The following CREB1 variants were observed in gnomAD, a reference collection of about 807,000 sequenced individuals.
CREB1 encodes cyclic AMP-responsive element-binding protein 1.
Under a neutral mutation model 42.0 loss-of-function variants are expected in CREB1, and 2 were observed. That is an observed-to-expected ratio of 0.05 (90% CI 0.02 to 0.15). CREB1 has a LOEUF of 0.15. CREB1 is among the 10% of genes least tolerant of loss of function. The probability of loss-of-function intolerance (pLI) is 1.00; values close to 1 mark genes in which losing one functional copy is unlikely to be tolerated. For synonymous variants in CREB1, 123 were observed against 139.9 expected (o/e 0.88, Z 0.85); for missense variants, 199 against 388.9 (o/e 0.51, Z 4.11).
chr2:207,592,793 C>T (rs1050183550), intron 7 of CREB1, among the ~76,000 whole-genome samples: 3 of 151,982 alleles, frequency 2.0e-5, no homozygotes, highest in African/African-American at 7.2e-5. Context: ...GTGGCGCATG[C>T]CTGTAGTCCC....
chr2:207,577,893 A>C (rs1574884101), intron 7 of CREB1: 1 of 477,980 alleles, frequency 2.1e-6, no homozygotes, highest in East Asian at 4.0e-5. Context: ...GTTTCCCCAC[A>C]GGAGATTTAA....
chr2:207,585,813 G>T (rs950099999), intron 7 of CREB1, among the ~76,000 whole-genome samples: 8 of 152,062 alleles, frequency 5.3e-5, no homozygotes, highest in Non-Finnish European at 7.4e-5. Flanking sequence ...TAAGAGAGAG[G>T]TCTTTTAAAA....
chr2:207,536,018 G>T (rs1412532733), intron 1 of CREB1, among the ~76,000 whole-genome samples: 1 of 151,818 alleles, frequency 6.6e-6, no homozygotes, highest in African/African-American at 2.4e-5. Flanking sequence ...TCGCCATGTT[G>T]CCCAGGCTGG....
intron 2 of CREB1, 110 bp from the exon 3 acceptor site, chr2:207,560,116 A>G (rs775065866): frequency 2.9e-5 from 27 of 919,352 alleles, no homozygotes; most frequent in Non-Finnish European, 3.6e-5. Context: ...TGAAATACAT[A>G]TCTAGCAAAA....
intron 6 of CREB1, chr2:207,577,087 G>T: frequency 1.0e-6 from 1 of 965,698 alleles, no homozygotes; most frequent in Non-Finnish European, 1.2e-6. Context: ...GAAAAATCAT[G>T]GTCGTTTTTA....
In CREB1 at chr2:207,604,127, C is replaced by T. The variant is rs955816411; in HGVS notation, c.*7069C>T. On this transcript the variant is annotated 3_prime_UTR_variant, in exon 8 of 8. Transcript: ENST00000353267. ...AGGATTGTTCTAAGCAAATCGGAAT[C>T]GGGTCACCCTGCCACGTTCAGGTGC... Among the ~76,000 whole-genome samples, 2 of 152,194 alleles carry T rather than the reference C, an allele frequency of 1.3e-5. No homozygotes were observed. The highest frequency in any genetic ancestry group is 2.9e-5 in the Non-Finnish European group (2 of 68,036).
intron 1 of CREB1, among the ~76,000 whole-genome samples, chr2:207,554,190 AT>A (rs1248726481): frequency 6.6e-6 from 1 of 152,078 alleles, no homozygotes; most frequent in Non-Finnish European, 1.5e-5. Context: ...TGTTTTGTGG[AT>A]TTTGGTATTT....
At chr2:207,576,758 A>T (rs2082613782) in intron 6 of CREB1, 1 of 1,069,058 alleles carries the variant, frequency 9.4e-7, no homozygotes, top group East Asian at 6.3e-5. Context: ...ATTAATAATT[A>T]ATATGAATAA....
chr2:207,553,286 C>CT, intron 1 of CREB1, among the ~76,000 whole-genome samples: 1 of 151,982 alleles, frequency 6.6e-6, no homozygotes, highest in South Asian at 2.1e-4. Flanking sequence ...CCAGGCTGGT[C>CT]TTGAACTCCT....
At chr2:207,567,754 C>G (rs1360424169) in intron 4 of CREB1, 191 bp downstream of exon 4, 1 of 398,276 alleles carries the variant, frequency 2.5e-6, no homozygotes. Flanking sequence ...GTTACTCTCA[C>G]CAGTCCTAAT....
At chr2:207,592,386 C>T (rs1024656814) in intron 7 of CREB1, among the ~76,000 whole-genome samples, 26 of 152,100 alleles carry the variant, frequency 1.7e-4, no homozygotes, top group African/African-American at 6.3e-4. Flanking sequence ...AGCCTGGCAA[C>T]AGAGCAAGAC....
At chr2:207,566,110 G>T (rs146644138) in intron 3 of CREB1, among the ~76,000 whole-genome samples, 2 of 152,156 alleles carry the variant, frequency 1.3e-5, no homozygotes, top group South Asian at 2.1e-4. Flanking sequence ...ACTTTAAAGT[G>T]TTTGGATGGG....
chr2:207,532,271 T>C (rs2080668756), intron 1 of CREB1, among the ~76,000 whole-genome samples: 1 of 149,970 alleles, frequency 6.7e-6, no homozygotes, highest in Non-Finnish European at 1.5e-5. Flanking sequence ...TGCAGTGAAT[T>C]GAGATCGTGC....
intron 1 of CREB1, among the ~76,000 whole-genome samples, chr2:207,544,043 C>T (rs2081205297): frequency 6.6e-6 from 1 of 152,192 alleles, no homozygotes. Flanking sequence ...CTTCAGCCTC[C>T]TGAGTAGCTG....
chr2:207,568,720 G>A (rs2082235773), intron 4 of CREB1, among the ~76,000 whole-genome samples: 1 of 152,024 alleles, frequency 6.6e-6, no homozygotes, highest in South Asian at 2.1e-4. Context: ...TTGGGTTAGG[G>A]TTTTTAGGGG....
chr2:207,552,527 T>TTAC (rs397742263), intron 1 of CREB1, among the ~76,000 whole-genome samples: 6 of 151,308 alleles, frequency 4.0e-5, no homozygotes, highest in Admixed American at 6.6e-5. Context: ...AAAGGAGGTA[T>TTAC]GATACATTTG....
intron 7 of CREB1, among the ~76,000 whole-genome samples, chr2:207,583,865 G>A (rs1445702339): frequency 1.3e-5 from 2 of 152,114 alleles, no homozygotes; most frequent in South Asian, 2.1e-4. Context: ...GAAAACCAAT[G>A]AACTGTTTTC....
At chr2:207,543,794 A>G (rs1023540438) in intron 1 of CREB1, among the ~76,000 whole-genome samples, 2 of 152,004 alleles carry the variant, frequency 1.3e-5, no homozygotes, top group Admixed American at 6.6e-5. Flanking sequence ...TAGTAGAGAC[A>G]GGGTTTCACC....
chr2:207,588,621 C>G (rs2084330202), intron 7 of CREB1, among the ~76,000 whole-genome samples: 1 of 152,064 alleles, frequency 6.6e-6, no homozygotes, highest in African/African-American at 2.4e-5. Context: ...GAAGTCACAT[C>G]TTAGCAATAC....
Sources: gnomAD v4.1 joint callset for allele counts (sites outside exome capture counted in the v4.1 genomes callset) on GRCh38, gnomAD v4.1.1 for gene constraint, MANE v1.5 for transcripts, NCBI Gene and HGNC (gene_info 2026-07-23, HGNC 2026-07-21) for gene names.